APBA1: variants seen among roughly 807,000 people sequenced by gnomAD.
APBA1 encodes amyloid-beta A4 precursor protein-binding family A member 1.
In APBA1, 55 loss-of-function variants were observed where a neutral mutation model predicts 86.6. That is an observed-to-expected ratio of 0.64 (90% CI 0.51 to 0.80). The LOEUF (loss-of-function observed/expected upper bound fraction) is 0.80. Ranked by LOEUF, APBA1 falls within the 30% of genes least tolerant of loss-of-function variation. The pLI, the probability that APBA1 is intolerant of heterozygous loss-of-function variation, is 0.00. For missense variants in APBA1, 1,090 were observed against 1,183.0 expected, an observed-to-expected ratio of 0.92 and a Z score of 1.15; for synonymous variants, 511 against 493.9, an observed-to-expected ratio of 1.03 and a Z score of -0.46.
At chr9:69,506,324 C>T (rs906843957) in intron 2 of APBA1, among the ~76,000 whole-genome samples, 1 of 146,972 alleles carries the variant, frequency 6.8e-6, no homozygotes, top group African/African-American at 2.5e-5. Flanking sequence ...CCTGGAAAAT[C>T]GGGTCACTCC....
chr9:69,487,665 CT>C (rs1290201043), intron 2 of APBA1, among the ~76,000 whole-genome samples: 2 of 152,040 alleles, frequency 1.3e-5, no homozygotes, highest in African/African-American at 4.8e-5. Context: ...GAGAGTGGAG[CT>C]GTTTTACAAG....
intron 1 of APBA1, among the ~76,000 whole-genome samples, chr9:69,525,150 C>G (rs1006637329): frequency 1.3e-5 from 2 of 152,156 alleles, no homozygotes; most frequent in Non-Finnish European, 2.9e-5. Flanking sequence ...AAACTGGAAG[C>G]ATTACCTTTG....
chr9:69,516,330 G>T lies in APBA1; in HGVS notation c.881C>A (p.Pro294His). The T allele has an allele frequency of 1.3e-6, 2 of 1,595,028 alleles. No homozygotes were observed. Among genetic ancestry groups the T allele is most frequent in the East Asian group, 4.5e-5 (2 of 44,438 alleles). The change falls in exon 2 of 13, where the codon CCT becomes CAT. Residue 294 changes from proline (P) to histidine (H), a missense_variant. By Grantham distance (77) the Pro-to-His change is moderately conservative. Around this residue, in one of 6 missense-constraint regions of APBA1, gnomAD observed 678 missense variants for 647.1 expected, o/e 1.05. Coordinates refer to ENST00000265381, the MANE Select transcript of APBA1 (RefSeq NM_001163.4). This position sits in a 1 kb window ranked among gnomAD's most constrained non-coding sequence, Gnocchi z 7.3. ...ACGCTCCAGGTCCTGCTCGGCCTCA[G>T]GCATGTCCTCGGCTGCCTTGTCGAG... ...QSLDKAAEDMPEAEQDLERPP... is the reference protein window; with the variant it reads ...QSLDKAAEDMHEAEQDLERPP...
chr9:69,651,836 T>G (rs552387783), intron 1 of APBA1, among the ~76,000 whole-genome samples: 1 of 152,302 alleles, frequency 6.6e-6, no homozygotes, highest in South Asian at 2.1e-4. Flanking sequence ...GTTGAAGAGT[T>G]GGCAGAGTGC....
intron 1 of APBA1, among the ~76,000 whole-genome samples, chr9:69,658,899 C>G (rs541318944): frequency 1.3e-5 from 2 of 152,266 alleles, no homozygotes; most frequent in African/African-American, 4.8e-5. Flanking sequence ...CCCATAGATT[C>G]AGGCAGGGAC....
intron 1 of APBA1, among the ~76,000 whole-genome samples, chr9:69,563,695 CA>C (rs770766746): frequency 2.0e-5 from 3 of 151,852 alleles, no homozygotes; most frequent in Admixed American, 6.6e-5. Context: ...CATCAAGATT[CA>C]AATCACTCTA....
intron 9 of APBA1, among the ~76,000 whole-genome samples, chr9:69,450,441 G>C (rs1351867734): frequency 6.6e-6 from 1 of 152,132 alleles, no homozygotes; most frequent in Non-Finnish European, 1.5e-5. Flanking sequence ...GGGGAGGCCT[G>C]CAGATATGCC....
intron 1 of APBA1, among the ~76,000 whole-genome samples, chr9:69,523,571 C>A (rs1371053501): frequency 7.0e-6 from 1 of 143,594 alleles, no homozygotes; most frequent in Non-Finnish European, 1.5e-5. Context: ...TTAGAGCACC[C>A]AGATTCATAA....
At chr9:69,557,073 A>T (rs1836874250) in intron 1 of APBA1, among the ~76,000 whole-genome samples, 2 of 152,238 alleles carry the variant, frequency 1.3e-5, no homozygotes, top group South Asian at 4.1e-4. Flanking sequence ...AGATGAACAA[A>T]TTAGGAGGCT....
intron 1 of APBA1, among the ~76,000 whole-genome samples, chr9:69,645,644 G>T (rs983582340): frequency 6.6e-6 from 1 of 152,192 alleles, no homozygotes; most frequent in African/African-American, 2.4e-5. Context: ...ATGAAAGGGA[G>T]GGGGGAGCTC....
intron 1 of APBA1, among the ~76,000 whole-genome samples, chr9:69,654,566 T>A (rs1421615212): frequency 1.3e-5 from 2 of 152,008 alleles, no homozygotes; most frequent in Non-Finnish European, 2.9e-5. Context: ...TAATAAAATG[T>A]CCCCCATCAA....
At chr9:69,523,667 C>T (rs555107673) in intron 1 of APBA1, among the ~76,000 whole-genome samples, 13 of 151,398 alleles carry the variant, frequency 8.6e-5, no homozygotes, top group Non-Finnish European at 1.6e-4. Context: ...GTTAGATCAT[C>T]AAAGCAAAAA....
rs1212914160 is a variant in APBA1 at position 69,652,230 on chromosome 9, A to T, written c.-70+19923T>A. Among the ~76,000 whole-genome samples, 4 of 152,240 alleles carry T rather than the reference A, an allele frequency of 2.6e-5. No individual in the cohort carries two copies. In the East Asian group the frequency reaches 7.7e-4, roughly 29 times the overall value. On this transcript the variant is annotated intron_variant, in intron 1 of 12. Coordinates refer to ENST00000265381, the MANE Select transcript of APBA1 (RefSeq NM_001163.4). ...TGGTATTTGTTATGGCAGCCTCAACAGACTAATATACCAGGTAAAGAAAGC... is the reference window on the plus strand; with the variant it reads ...TGGTATTTGTTATGGCAGCCTCAACTGACTAATATACCAGGTAAAGAAAGC...
intron 10 of APBA1, among the ~76,000 whole-genome samples, chr9:69,447,003 G>C (rs4596712): frequency 6.6e-5 from 10 of 152,182 alleles, no homozygotes; most frequent in African/African-American, 2.4e-4. Flanking sequence ...CAGTTCTGGA[G>C]GCTGGAAGTC....
At chr9:69,458,724 T>C (rs1027414917) in intron 5 of APBA1, among the ~76,000 whole-genome samples, 2 of 152,202 alleles carry the variant, frequency 1.3e-5, no homozygotes, top group Admixed American at 1.3e-4. Flanking sequence ...AAATTTCCAC[T>C]GCAATTTCTT....
intron 1 of APBA1, among the ~76,000 whole-genome samples, chr9:69,555,394 G>T (rs1421061982): frequency 6.6e-6 from 1 of 152,032 alleles, no homozygotes; most frequent in Non-Finnish European, 1.5e-5. Flanking sequence ...AATGTCATTT[G>T]TCCTTTTTAT....
chr9:69,586,287 C>G (rs1177198931), intron 1 of APBA1, among the ~76,000 whole-genome samples: 4 of 152,222 alleles, frequency 2.6e-5, no homozygotes, highest in Non-Finnish European at 4.4e-5. Flanking sequence ...AGCTCAGAAT[C>G]AGATCTCCCT....
chr9:69,455,085 G>C (rs1197933408), intron 8 of APBA1, among the ~76,000 whole-genome samples: 2 of 152,148 alleles, frequency 1.3e-5, no homozygotes, highest in Non-Finnish European at 2.9e-5. Flanking sequence ...GAAAAAAGCA[G>C]GATGGCTGCT....
At chr9:69,664,920 T>A (rs1823817462) in intron 1 of APBA1, among the ~76,000 whole-genome samples, 1 of 152,174 alleles carries the variant, frequency 6.6e-6, no homozygotes, top group Non-Finnish European at 1.5e-5. Flanking sequence ...CCAATTATTA[T>A]CTGTTAAAAA....
Sources: allele counts gnomAD v4.1 joint callset (sites outside exome capture counted in the v4.1 genomes callset), GRCh38; gene constraint gnomAD v4.1.1; regional missense constraint gnomAD v4.1.1; non-coding constraint Gnocchi (gnomAD v3.1); transcripts MANE v1.5; gene names NCBI Gene and HGNC (gene_info 2026-07-23, HGNC 2026-07-21).